Variants in GRM7 observed in about 807,000 individuals in gnomAD.
GRM7 encodes glutamate metabotropic receptor 7.
In GRM7, 35 loss-of-function variants were observed where a neutral mutation model predicts 84.5. The observed-to-expected ratio is 0.41, with a 90% CI of 0.32 to 0.55. The LOEUF is 0.55. Ranked by LOEUF, GRM7 falls within the 20% of genes least tolerant of loss-of-function variation. GRM7 has a pLI of 0.19. For synonymous variants in GRM7, 487 were observed against 455.1 expected, an observed-to-expected ratio of 1.07 and a Z score of -0.89; for missense variants, 1,003 against 1,194.6, an observed-to-expected ratio of 0.84 and a Z score of 2.36.
At chr3:7,405,252 T>C (rs751308234) in intron 4 of GRM7, among the ~76,000 whole-genome samples, 8 of 152,152 alleles carry the variant, frequency 5.3e-5, no homozygotes, top group Non-Finnish European at 1.2e-4. Flanking sequence ...TTTTAAAAAG[T>C]CAGAAGAATA....
chr3:6,964,892 T>C (rs774598475), intron 1 of GRM7, among the ~76,000 whole-genome samples: 1 of 152,208 alleles, frequency 6.6e-6, no homozygotes, highest in Non-Finnish European at 1.5e-5. Context: ...CACTTTCACT[T>C]GTCTCTTTTT....
At chr3:6,943,530 C>A (rs967984956) in intron 1 of GRM7, among the ~76,000 whole-genome samples, 4 of 151,966 alleles carry the variant, frequency 2.6e-5, no homozygotes, top group African/African-American at 9.7e-5. Flanking sequence ...TTTATAGATT[C>A]TATTCTGCTT....
intron 9 of GRM7, chr3:7,682,186 T>G (rs1211687657): frequency 6.6e-6 from 1 of 151,740 alleles, no homozygotes; most frequent in Non-Finnish European, 1.5e-5. Context: ...AAATACAAAA[T>G]TAGCCGGGCA....
At chr3:7,143,123 A>C (rs1345807097) in intron 1 of GRM7, among the ~76,000 whole-genome samples, 1 of 152,178 alleles carries the variant, frequency 6.6e-6, no homozygotes, top group Non-Finnish European at 1.5e-5. Flanking sequence ...AGCAAGAGAA[A>C]GTATATCTAG....
intron 4 of GRM7, among the ~76,000 whole-genome samples, chr3:7,318,104 C>T (rs945751515): frequency 6.6e-6 from 1 of 152,084 alleles, no homozygotes; most frequent in African/African-American, 2.4e-5. Flanking sequence ...CATTTTGAAA[C>T]GTCCTATCTT....
Position 7,310,801 on chromosome 3 carries a change from T to G in GRM7, c.1033+4149T>G, listed in dbSNP as rs540223934. 2.0e-4 allele frequency among the ~76,000 whole-genome samples: 30 copies of G among 152,266 alleles called. No individual in the cohort carries two copies. In the South Asian group the frequency reaches 6.2e-3, roughly 32 times the overall value. Reference sequence around the variant, plus strand: ...CTTCTTCAGGGCCTTTTGTTCCACTTTTTATGGTTTCTGAGTTATACCCTA... The same window carrying G: ...CTTCTTCAGGGCCTTTTGTTCCACTGTTTATGGTTTCTGAGTTATACCCTA... On this transcript the variant is annotated intron_variant, in intron 4 of 9. Transcript: ENST00000357716.
chr3:7,120,442 G>A (rs1693179652), intron 1 of GRM7, among the ~76,000 whole-genome samples: 1 of 152,016 alleles, frequency 6.6e-6, no homozygotes, highest in African/African-American at 2.4e-5. Context: ...AGGATTGATT[G>A]AACAATAAAC....
chr3:7,008,528 G>T (rs1414539741), intron 1 of GRM7, among the ~76,000 whole-genome samples: 2 of 152,144 alleles, frequency 1.3e-5, no homozygotes, highest in Non-Finnish European at 2.9e-5. Context: ...AAACTCAATT[G>T]TTTGGAAATT....
chr3:7,124,858 A>T (rs937159210), intron 1 of GRM7, among the ~76,000 whole-genome samples: 1 of 152,196 alleles, frequency 6.6e-6, no homozygotes, highest in Non-Finnish European at 1.5e-5. Flanking sequence ...ACATTAATGA[A>T]ATATAGCCAT....
chr3:6,986,513 A>T (rs1694416835), intron 1 of GRM7, among the ~76,000 whole-genome samples: 1 of 152,176 alleles, frequency 6.6e-6, no homozygotes, highest in African/African-American at 2.4e-5. Context: ...TGTTTTCCTA[A>T]CTTCTAATGT....
chr3:6,869,585 A>ATCTATCTATCTATCTATCTATCTG (rs1338491424), intron 1 of GRM7, among the ~76,000 whole-genome samples: 81 of 151,964 alleles, frequency 5.3e-4, no homozygotes, highest in Admixed American at 2.4e-3. Context: ...CTATCTGTCT[A>ATCTATCTATCTATCTATCTATCTG]TCTATCTATC....
At chr3:7,470,929 T>G (rs1698676039) in intron 7 of GRM7, among the ~76,000 whole-genome samples, 1 of 151,878 alleles carries the variant, frequency 6.6e-6, no homozygotes, top group African/African-American at 2.4e-5. Flanking sequence ...TTTAAAGTGC[T>G]TCCATCCAAT....
intron 7 of GRM7, among the ~76,000 whole-genome samples, chr3:7,470,101 C>T (rs1698637099): frequency 6.6e-6 from 1 of 152,154 alleles, no homozygotes; most frequent in African/African-American, 2.4e-5. Flanking sequence ...CAACACATCC[C>T]CCTCCTCCTA....
intron 8 of GRM7, among the ~76,000 whole-genome samples, chr3:7,649,198 T>G (rs1271794743): frequency 6.6e-6 from 1 of 151,786 alleles, no homozygotes; most frequent in African/African-American, 2.4e-5. Context: ...GCCTCCCGAG[T>G]AGCTGGGACT....
At chr3:7,631,983 G>A (rs1697877725) in intron 8 of GRM7, among the ~76,000 whole-genome samples, 2 of 152,168 alleles carry the variant, frequency 1.3e-5, no homozygotes, top group African/African-American at 4.8e-5. Flanking sequence ...ATCTCTTTAA[G>A]AGGATGATAT....
chr3:6,887,204 G>T (rs1338038835), intron 1 of GRM7, among the ~76,000 whole-genome samples: 3 of 150,864 alleles, frequency 2.0e-5, no homozygotes, highest in African/African-American at 7.3e-5. Flanking sequence ...TTTTTTTTTA[G>T]AAGTAAAGTT....
chr3:7,520,041 G>A (rs987429257), intron 7 of GRM7: 1 of 152,246 alleles, frequency 6.6e-6, no homozygotes, highest in Non-Finnish European at 1.5e-5. Flanking sequence ...AGAGAGACAG[G>A]TGGAAGATAC....
intron 8 of GRM7, among the ~76,000 whole-genome samples, chr3:7,671,350 A>T (rs1176856091): frequency 6.6e-6 from 1 of 152,110 alleles, no homozygotes; most frequent in African/African-American, 2.4e-5. Context: ...TTCTCTGATT[A>T]CACTATTTGG....
intron 1 of GRM7, among the ~76,000 whole-genome samples, chr3:6,878,543 A>AAATAATAATAATAATAAT (rs58165323): frequency 0.023 from 3,408 of 150,348 alleles, 147 homozygotes; most frequent in African/African-American, 0.078. Context: ...GATTAACATA[A>AAATAATAATAATAATAAT]AATAATAATA....
Sources: allele counts gnomAD v4.1 joint callset (sites outside exome capture counted in the v4.1 genomes callset), GRCh38; gene constraint gnomAD v4.1.1; transcripts MANE v1.5; gene names NCBI Gene and HGNC (gene_info 2026-07-23, HGNC 2026-07-21).